Variants in SEL1L observed in about 807,000 individuals in gnomAD.
SEL1L encodes the protein protein sel-1 homolog 1.
Under a neutral mutation model 109.8 loss-of-function variants are expected in SEL1L, and 52 were observed. That is an observed-to-expected ratio of 0.47 (90% CI 0.38 to 0.60). The LOEUF (loss-of-function observed/expected upper bound fraction) is 0.60, where lower values mean the gene tolerates loss of function less well. SEL1L is among the 20% of genes least tolerant of loss of function. The pLI is 0.00. For missense variants in SEL1L, 749 were observed against 962.2 expected (o/e 0.78, Z 2.93); for synonymous variants, 373 against 339.6 (o/e 1.10, Z -1.08).
intron 9 of SEL1L, 123 bp downstream of exon 9, chr14:81,498,290 A>G (rs1883858763): frequency 2.3e-6 from 2 of 858,152 alleles, no homozygotes; most frequent in African/African-American, 3.4e-5. Context: ...CAACTAGTTT[A>G]AAGATGAGTC....
Position 81,476,630 on chromosome 14 carries a change from T to C in SEL1L, c.*342A>G, listed in dbSNP as rs1286271302. On this transcript the variant is annotated 3_prime_UTR_variant, in exon 21 of 21. Coordinates refer to ENST00000336735, the MANE Select transcript of SEL1L (RefSeq NM_005065.6). ...AAAGATGGTTGACATTAAGAACTTA[T>C]GCACACTGAAATAATGACCAAAAGG... is the stretch of plus-strand genomic sequence containing the variant. 8.7e-6 allele frequency: 2 copies of C among 230,238 alleles called. No homozygotes were observed. Among genetic ancestry groups the C allele is most frequent in the Admixed American group, 4.9e-5 (1 of 20,312 alleles). 14.3% of individuals were successfully genotyped at this position (230,238 alleles called of 1,614,324 possible).
chr14:81,526,757 C>T lies in SEL1L; in HGVS notation c.316G>A (p.Glu106Lys). Residue 106 changes from glutamate (E) to lysine (K), a missense_variant, in exon 3 of 21, where the codon GAG becomes AAG. Glu to Lys is a moderately conservative substitution (Grantham distance 56). Transcript: ENST00000336735. ...CCTGGTTTCCGTACTTTCTTTGGCT[C>T]TTCATAGTCCTTGTTTTCTGGATTT... The part of the protein sequence containing the change: ...SPNPENKDYE[E>K]PKKVRKPALT... 1.2e-6 allele frequency: 2 copies of T among 1,610,072 alleles called. No homozygotes were observed. Among genetic ancestry groups the T allele is most frequent in the East Asian group, 2.2e-5 (1 of 44,802 alleles).
rs1903045065 is a variant in SEL1L at position 81,472,677 on chromosome 14, C to A, written c.*4295G>T. 2.6e-6 allele frequency: 1 copy of A among 379,310 alleles called. No individual in the cohort carries two copies. The highest frequency in any genetic ancestry group is 2.0e-5 in the South Asian group (1 of 49,810). 23.5% of individuals were successfully genotyped at this position (379,310 alleles called of 1,614,324 possible). A position where few individuals can be genotyped will look rare whatever the true frequency, so the allele number is the denominator to read the frequency against. ...ACTACATATCAAGGCTGCTTCAAGA[C>A]AAAGATATCAGAGATTTAAAAGATA... On this transcript the variant is annotated 3_prime_UTR_variant, in exon 21 of 21. Transcript: ENST00000336735.
intron 11 of SEL1L, among the ~76,000 whole-genome samples, chr14:81,494,225 A>AT (rs1883652830): frequency 6.6e-6 from 1 of 152,182 alleles, no homozygotes; most frequent in African/African-American, 2.4e-5. Flanking sequence ...GTTGCTTAAG[A>AT]TATCAGCTCC....
Position 81,502,779 on chromosome 14 carries a change from TG to T in SEL1L, c.718del (p.Gln240ArgfsTer10). ...LFGDYLPQNI[Q>X]AAREMFEKLT... ...CTTCTCAAACATCTCTCTCGCTGCC[TG>T]GATATTCTGTGGCAAGTAATCACCA... is the stretch of plus-strand genomic sequence containing the variant. On this transcript the variant is annotated frameshift_variant, in exon 6 of 21. Coordinates refer to ENST00000336735, the MANE Select transcript of SEL1L (RefSeq NM_005065.6). LOFTEE classifies it high-confidence loss of function. 1 of 1,614,172 alleles carries T rather than the reference TG, an allele frequency of 6.2e-7. No individual in the cohort carries two copies. The highest frequency in any genetic ancestry group is 8.5e-7 in the Non-Finnish European group (1 of 1,180,002).
intron 1 of SEL1L, among the ~76,000 whole-genome samples, chr14:81,532,517 G>A (rs1317515001): frequency 6.6e-6 from 1 of 152,160 alleles, no homozygotes; most frequent in Admixed American, 6.5e-5. Context: ...TGGAGGGAGG[G>A]GAGTGGACCT....
At position 81,510,283 on chromosome 14, in the gene SEL1L, G is replaced by C. The variant is rs1373355102; in HGVS notation, c.341-4042C>G. The stretch of plus-strand genomic sequence containing the variant: ...GATTACAGAACAGGAAGAGAGAAAG[G>C]GAAATCAGTGATTATAGAGAACGAT... On this transcript the variant is annotated intron_variant, in intron 3 of 20. Transcript: ENST00000336735. 4.6e-5 allele frequency among the ~76,000 whole-genome samples: 7 copies of C among 152,212 alleles called. No individual in the cohort carries two copies. The South Asian group carries it at 1.5e-3, about 32-fold the overall frequency.
rs776515877 is a variant in SEL1L, at chr14:81,477,011, G to C, written c.2346C>G (p.Pro782=). 3.1e-6 allele frequency: 5 copies of C among 1,614,056 alleles called. No homozygotes were observed. Among genetic ancestry groups the C allele is most frequent in the Non-Finnish European group, 4.2e-6 (5 of 1,180,050 alleles). ...GCTGCTCTGGTGGCCCCTCCTGCTGGGGTGGAGCTGGCCGTGGCCCTGGAG... is the reference window on the plus strand; with the variant it reads ...GCTGCTCTGGTGGCCCCTCCTGCTGCGGTGGAGCTGGCCGTGGCCCTGGAG... The part of the protein sequence containing the change: ...PRPPGPRPAP[P]QQEGPPEQQP... The change falls in exon 21 of 21, where the codon CCC becomes CCG. Residue 782 remains proline, a synonymous_variant. Transcript: ENST00000336735.
At chr14:81,529,464 C>G (rs1270173734) in intron 1 of SEL1L, among the ~76,000 whole-genome samples, 1 of 152,144 alleles carries the variant, frequency 6.6e-6, no homozygotes, top group East Asian at 1.9e-4. Flanking sequence ...ACATTTAGTA[C>G]CTCACCACAA....
intron 20 of SEL1L, 168 bp downstream of exon 20, chr14:81,479,444 T>A: frequency 4.1e-6 from 2 of 490,108 alleles, no homozygotes; most frequent in Middle Eastern, 4.0e-4. Flanking sequence ...ATGCCTGCAT[T>A]TATCCCTCCC....
intron 6 of SEL1L, 75 bp downstream of exon 6, chr14:81,502,646 G>A (rs1008698372): frequency 1.4e-6 from 2 of 1,427,690 alleles, no homozygotes; most frequent in Non-Finnish European, 1.9e-6. Flanking sequence ...AAGAAGTCAG[G>A]ACATAGAGAG....
At chr14:81,514,157 C>T (rs978620716) in intron 3 of SEL1L, among the ~76,000 whole-genome samples, 5 of 152,232 alleles carry the variant, frequency 3.3e-5, no homozygotes, top group Admixed American at 6.5e-5. Context: ...CAGAAAGACA[C>T]AATTTTTGCC....
At chr14:81,506,304 T>C in intron 3 of SEL1L, 63 bp from the exon 4 acceptor site, 2 of 1,388,616 alleles carry the variant, frequency 1.4e-6, no homozygotes, top group African/African-American at 1.5e-5. Context: ...ATGGATTCAA[T>C]GCCATCAATT....
chr14:81,522,817 C>G (rs776409288), intron 3 of SEL1L, among the ~76,000 whole-genome samples: 1 of 152,190 alleles, frequency 6.6e-6, no homozygotes, highest in Non-Finnish European at 1.5e-5. Flanking sequence ...CCCTAGACTA[C>G]TTCTAATACC....
Position 81,476,996 on chromosome 14 carries a change from T to A in SEL1L, c.2361A>T (p.Pro787=). ...PRPAPPQQEG[P]PEQQPPQ ...ATTACTGTGGTGGCTGCTGCTCTGGTGGCCCCTCCTGCTGGGGTGGAGCTG... is the reference window on the plus strand; with the variant it reads ...ATTACTGTGGTGGCTGCTGCTCTGGAGGCCCCTCCTGCTGGGGTGGAGCTG... The change falls in exon 21 of 21, where the codon CCA becomes CCT. Residue 787 remains proline (P), a synonymous_variant. Coordinates refer to ENST00000336735, the MANE Select transcript of SEL1L (RefSeq NM_005065.6). The A allele has an allele frequency of 6.2e-7, 1 of 1,614,200 alleles. No individual in the cohort carries two copies. The highest frequency in any genetic ancestry group is 8.5e-7 in the Non-Finnish European group (1 of 1,180,030).
intron 6 of SEL1L, among the ~76,000 whole-genome samples, chr14:81,502,097 CAT>C (rs765459276): frequency 2.8e-4 from 42 of 151,654 alleles, no homozygotes; most frequent in Non-Finnish European, 4.4e-4. Flanking sequence ...ATCATATGAA[CAT>C]AGTGTGGGTA....
chr14:81,516,877 T>TC (rs997275031), intron 3 of SEL1L, among the ~76,000 whole-genome samples: 15 of 151,994 alleles, frequency 9.9e-5, no homozygotes, highest in Admixed American at 6.6e-5. Flanking sequence ...CCTCCAGACT[T>TC]CCCCCCCATG....
intron 1 of SEL1L, among the ~76,000 whole-genome samples, chr14:81,530,706 A>G (rs1448041302): frequency 4.6e-5 from 7 of 152,246 alleles, no homozygotes; most frequent in Non-Finnish European, 2.9e-5. Flanking sequence ...TATTAATAGA[A>G]AAGAGAAAAT....
At position 81,484,131 on chromosome 14, in the gene SEL1L, C is replaced by A. The variant is rs537825502; in HGVS notation, c.2046+94G>T. The A allele has an allele frequency of 1.8e-4, 241 of 1,326,038 alleles. 1 individual carries two copies. In the African/African-American group the frequency reaches 3.0e-3, roughly 16 times the overall value. 82.1% of individuals were successfully genotyped at this position (1,326,038 alleles called of 1,614,324 possible). On this transcript the variant is annotated intron_variant, in intron 19 of 20. Coordinates refer to ENST00000336735, the MANE Select transcript of SEL1L (RefSeq NM_005065.6). ...CATAATTTAGTGGCCTGAAATCCAA[C>A]TGAATGTCAAGGAAAGTCTATTTTC...
Sources: allele counts gnomAD v4.1 joint callset (sites outside exome capture counted in the v4.1 genomes callset), GRCh38; gene constraint gnomAD v4.1.1; transcripts MANE v1.5; gene names NCBI Gene and HGNC (gene_info 2026-07-23, HGNC 2026-07-21).